The following LRPAP1 variants were observed in gnomAD, a reference collection of about 807,000 sequenced individuals.
LRPAP1 encodes the protein LDL receptor related protein associated protein 1, also known as alpha-2-macroglobulin receptor-associated protein.
Under a neutral mutation model 39.9 loss-of-function variants are expected in LRPAP1, and 41 were observed. That is an observed-to-expected ratio of 1.03 (90% CI 0.80 to 1.33). The LOEUF is 1.33. Among genes scored for constraint, LRPAP1 ranks in the 40% most tolerant of loss-of-function variants. The probability of loss-of-function intolerance (pLI) is 0.00; values close to 1 mark genes in which losing one functional copy is unlikely to be tolerated. For missense variants in LRPAP1, 565 were observed against 482.3 expected, an observed-to-expected ratio of 1.17 and a Z score of -1.61; for synonymous variants, 263 against 212.7, an observed-to-expected ratio of 1.24 and a Z score of -2.06.
Position 3,516,147 on chromosome 4 carries a change from T to G in LRPAP1, c.803A>C (p.Asn268Thr), listed in dbSNP as rs754280813. ...IDLWDLAQSA[N>T]LTDKELEAFR... ...CGCCTCCAGCTCCTTGTCCGTGAGG[T>G]TGGCGGACTGCGCCAGGTCCCACAG... is the stretch of plus-strand genomic sequence containing the variant. Residue 268 changes from asparagine (N) to threonine (T), a missense_variant, in exon 6 of 8, where the codon AAC (asparagine) becomes ACC (threonine). Transcript: ENST00000650182. 4.4e-6 allele frequency: 7 copies of G among 1,582,412 alleles called. No individual in the cohort carries two copies. The African/African-American group carries it at 9.4e-5, about 21-fold the overall frequency.
At position 3,518,744 on chromosome 4, in the gene LRPAP1, C is replaced by T. The variant is rs1729809990; in HGVS notation, c.592+127G>A. The T allele has an allele frequency of 2.3e-5, 15 of 640,126 alleles. No homozygotes were observed. In the South Asian group the frequency reaches 3.1e-4, roughly 13 times the overall value. The allele number at this position is 640,126 out of a possible 1,614,324, so 39.7% of individuals were successfully genotyped here. A position where few individuals can be genotyped will look rare whatever the true frequency, so the allele number is the denominator to read the frequency against. ...TGGGAGGGCGTCTGGTGCCGCCTCC[C>T]TGCCCCTGCTGTGTTCCTGAGGGGA... is the stretch of plus-strand genomic sequence containing the variant. On this transcript the variant is annotated intron_variant, in intron 4 of 7. Coordinates refer to ENST00000650182, the MANE Select transcript of LRPAP1 (RefSeq NM_002337.4).
intron 5 of LRPAP1, chr4:3,517,713 T>A: frequency 4.0e-6 from 1 of 249,434 alleles, no homozygotes; most frequent in Non-Finnish European, 7.7e-6. Context: ...GAGTGGTCTC[T>A]GTTCTTGGCC....
chr4:3,529,546 C>T (rs1327874838), intron 1 of LRPAP1, among the ~76,000 whole-genome samples: 3 of 152,170 alleles, frequency 2.0e-5, no homozygotes, highest in Non-Finnish European at 4.4e-5. Flanking sequence ...AAGGGCTCTG[C>T]ATGGCCTCTG....
intron 6 of LRPAP1, 157 bp downstream of exon 6, chr4:3,515,959 G>A: frequency 1.4e-6 from 1 of 716,822 alleles, no homozygotes; most frequent in Non-Finnish European, 2.3e-6. Context: ...CAGATGAGAA[G>A]GAAAACGCAA....
In LRPAP1 at chr4:3,510,280, T is replaced by C. The variant is rs1577200489; in HGVS notation, c.*2694A>G. The C allele has an allele frequency of 6.6e-6, 1 of 151,484 alleles. No individual in the cohort carries two copies. Among genetic ancestry groups the C allele is most frequent in the East Asian group, 1.9e-4 (1 of 5,172 alleles). 9.4% of individuals were successfully genotyped at this position (151,484 alleles called of 1,614,324 possible). A position where few individuals can be genotyped will look rare whatever the true frequency, so the allele number is the denominator to read the frequency against. On this transcript the variant is annotated 3_prime_UTR_variant, in exon 8 of 8. Transcript: ENST00000650182. Reference sequence around the variant, plus strand: ...CCCGTCTCTACAAAAAAAATAAAAATAAAAAAAATAAAATCAGCCGGGTGT... The same window carrying C: ...CCCGTCTCTACAAAAAAAATAAAAACAAAAAAAATAAAATCAGCCGGGTGT...
chr4:3,516,847 C>A (rs1729720828), intron 5 of LRPAP1, among the ~76,000 whole-genome samples: 1 of 152,210 alleles, frequency 6.6e-6, no homozygotes, highest in Non-Finnish European at 1.5e-5. Flanking sequence ...CCTCTGCTGA[C>A]CCCTTCCTGC....
At chr4:3,529,220 G>A (rs1412975893) in intron 1 of LRPAP1, among the ~76,000 whole-genome samples, 1 of 152,088 alleles carries the variant, frequency 6.6e-6, no homozygotes, top group Non-Finnish European at 1.5e-5. Context: ...CTACTCAGGA[G>A]GCTGAGGCAC....
Position 3,515,179 on chromosome 4 carries a change from G to A in LRPAP1, c.835-251C>T, listed in dbSNP as rs568514429. Among the ~76,000 whole-genome samples the A allele has an allele frequency of 4.1e-4, 63 of 152,236 alleles. 1 individual carries two copies. The highest frequency in any genetic ancestry group is 3.1e-3 in the Admixed American group (48 of 15,308). On this transcript the variant is annotated intron_variant, in intron 6 of 7. Transcript: ENST00000650182. The stretch of plus-strand genomic sequence containing the variant: ...TCTGCAAATGGCACCCCCGCCCCCC[G>A]AATCTAGGGGGCCTCCAGCTCGTTC...
Position 3,532,204 on chromosome 4 carries a change from C to T in LRPAP1, c.204+5G>A. On this transcript the variant is annotated splice_donor_5th_base_variant and intron_variant, in intron 1 of 7. Transcript: ENST00000650182. The stretch of plus-strand genomic sequence containing the variant: ...CCCGCTCCACCGACCGCGGGCCGCG[C>T]TCACTCGCTGGGCCTTCTCCCACAG... 3 of 1,549,368 alleles carry T rather than the reference C, an allele frequency of 1.9e-6. No individual in the cohort carries two copies. The highest frequency in any genetic ancestry group is 2.6e-6 in the Non-Finnish European group (3 of 1,146,202).
intron 6 of LRPAP1, 167 bp downstream of exon 6, chr4:3,515,949 C>T: frequency 1.5e-6 from 1 of 667,676 alleles, no homozygotes; most frequent in South Asian, 1.9e-5. Flanking sequence ...AGTTCCCACG[C>T]AGATGAGAAG....
At chr4:3,523,278 C>G (rs1577209387) in intron 2 of LRPAP1, among the ~76,000 whole-genome samples, 1 of 152,224 alleles carries the variant, frequency 6.6e-6, no homozygotes, top group Non-Finnish European at 1.5e-5. Context: ...ACCTCCAGGA[C>G]AGGCTCTTTC....
At chr4:3,523,198 C>A (rs917395059) in intron 2 of LRPAP1, among the ~76,000 whole-genome samples, 3 of 152,176 alleles carry the variant, frequency 2.0e-5, no homozygotes, top group Non-Finnish European at 4.4e-5. Context: ...GTGCCCCCTG[C>A]AAGCTACTCT....
rs1395573687 is a variant in LRPAP1 at position 3,513,019 on chromosome 4, C to T, written c.1029G>A (p.Gln343=). The change falls in exon 8 of 8, where the codon CAG becomes CAA. Residue 343 remains glutamine, a synonymous_variant. Coordinates refer to ENST00000650182, the MANE Select transcript of LRPAP1 (RefSeq NM_002337.4). ...ELGYTVKKHL[Q]DLSGRISRAR... is the part of the protein sequence containing the mutation. ...CTCTGGAGATCCTGCCGGACAGGTC[C>T]TGCAGATGCTTCTTCACCTGTGGAC... 1 of 1,612,426 alleles carries T rather than the reference C, an allele frequency of 6.2e-7. No homozygotes were observed. Among genetic ancestry groups the T allele is most frequent in the African/African-American group, 1.3e-5 (1 of 74,908 alleles).
intron 1 of LRPAP1, among the ~76,000 whole-genome samples, chr4:3,531,235 T>C (rs1317388152): frequency 6.6e-6 from 1 of 152,108 alleles, no homozygotes; most frequent in Non-Finnish European, 1.5e-5. Flanking sequence ...CAGGCGTCAA[T>C]CCCCATCCCC....
rs1363171784 is a variant in LRPAP1, at chr4:3,505,870, CAGCA to C, written c.*7100_*7103del. Among the ~76,000 whole-genome samples the C allele has an allele frequency of 6.6e-6, 1 of 152,224 alleles. No individual in the cohort carries two copies. Among genetic ancestry groups the C allele is most frequent in the Non-Finnish European group, 1.5e-5 (1 of 68,042 alleles). On this transcript the variant is annotated 3_prime_UTR_variant, in exon 8 of 8. Transcript: ENST00000650182. Reference sequence around the variant, plus strand: ...ATGACCTTTCAGATGGATGCTGACCCAGCAGGCTGGGCTGAGCTGGGACCAGCTC... The same window carrying C: ...ATGACCTTTCAGATGGATGCTGACCCGGCTGGGCTGAGCTGGGACCAGCTC...
chr4:3,532,032 AGG>A, intron 1 of LRPAP1, 175 bp downstream of exon 1: 1 of 691,290 alleles, frequency 1.4e-6, no homozygotes, highest in Middle Eastern at 4.2e-4. Context: ...CTGCTGCAGA[AGG>A]GGTCGGGGCG....
intron 7 of LRPAP1, among the ~76,000 whole-genome samples, chr4:3,514,013 C>G (rs1044709921): frequency 4.6e-5 from 7 of 152,224 alleles, no homozygotes; most frequent in African/African-American, 1.7e-4. Flanking sequence ...AAGCTAGGTG[C>G]ACGCTAGCAT....
chr4:3,523,530 G>T (rs13117941), intron 2 of LRPAP1, among the ~76,000 whole-genome samples: 17,557 of 152,152 alleles, frequency 0.12, 1,120 homozygotes, highest in Non-Finnish European at 0.13. Context: ...GGGTGGCTGG[G>T]AACAGACCAC....
rs1729330878 is a variant in LRPAP1 at position 3,505,653 on chromosome 4, GA to G, written c.*7320del. Among the ~76,000 whole-genome samples, 9 of 152,008 alleles carry G rather than the reference GA, an allele frequency of 5.9e-5. No homozygotes were observed. The South Asian group carries it at 6.2e-4, about 11-fold the overall frequency. ...AGCCCGTCTATACCAGCTACCCCAA[GA>G]CCGTCTATACCAGCTACCCCAAGAC... On this transcript the variant is annotated 3_prime_UTR_variant, in exon 8 of 8. Transcript: ENST00000650182.
Sources: gnomAD v4.1 joint callset for allele counts (sites outside exome capture counted in the v4.1 genomes callset) on GRCh38, gnomAD v4.1.1 for gene constraint, MANE v1.5 for transcripts, NCBI Gene and HGNC (gene_info 2026-07-23, HGNC 2026-07-21) for gene names.